Variants in CFAP100 observed in about 807,000 individuals in gnomAD.
The protein encoded by CFAP100 is cilia- and flagella-associated protein 100.
A neutral mutation model predicts 81.5 loss-of-function variants in CFAP100; 70 were observed. The observed-to-expected ratio is 0.86, with a 90% CI of 0.71 to 1.05. CFAP100 has a LOEUF of 1.05. Among genes scored for constraint, CFAP100 ranks in the 50% least tolerant of loss-of-function variants. The pLI is 0.00. For missense variants in CFAP100, 811 were observed against 776.5 expected, an observed-to-expected ratio of 1.04 and a Z score of -0.53; for synonymous variants, 341 against 314.8, an observed-to-expected ratio of 1.08 and a Z score of -0.88.
intron 2 of CFAP100, among the ~76,000 whole-genome samples, chr3:126,403,796 AT>A (rs2083023387): frequency 6.6e-6 from 1 of 152,270 alleles, no homozygotes; most frequent in Non-Finnish European, 1.5e-5. Flanking sequence ...AAGTTAAAAA[AT>A]TAAATCATGT....
At chr3:126,405,450 G>A (rs1455617312) in intron 2 of CFAP100, among the ~76,000 whole-genome samples, 3 of 152,156 alleles carry the variant, frequency 2.0e-5, no homozygotes, top group East Asian at 1.9e-4. Context: ...ATCACCTGAG[G>A]TCAGGAGTTC....
At chr3:126,410,243 A>G (rs983057568) in intron 3 of CFAP100, among the ~76,000 whole-genome samples, 1 of 152,162 alleles carries the variant, frequency 6.6e-6, no homozygotes, top group African/African-American at 2.4e-5. Flanking sequence ...AGTTTCATGC[A>G]GCTCAATCGT....
intron 11 of CFAP100, among the ~76,000 whole-genome samples, chr3:126,422,021 G>T (rs538887358): frequency 4.6e-5 from 7 of 152,358 alleles, no homozygotes; most frequent in Admixed American, 1.3e-4. Context: ...CAGAGTCGGG[G>T]ATCACACTGT....
rs1463918850 is a variant in CFAP100 at position 126,433,838 on chromosome 3, A to C, written c.1423-338A>C. The stretch of plus-strand genomic sequence containing the variant: ...TGGAGGGGCTGTTATCTGTTTTCTA[A>C]GTGTCAGAACAGTCTCAGAGAAGAC... On this transcript the variant is annotated intron_variant, in intron 14 of 16. Transcript: ENST00000352312. 4 of 251,720 alleles carry C rather than the reference A, an allele frequency of 1.6e-5. No individual in the cohort carries two copies. In the East Asian group the frequency reaches 3.7e-4, roughly 23 times the overall value. The allele number at this position is 251,720 out of a possible 1,614,324, so 15.6% of individuals were successfully genotyped here.
chr3:126,395,764 A>G (rs117921573), intron 1 of CFAP100, among the ~76,000 whole-genome samples, 178 bp from the exon 2 acceptor site: 1 of 152,352 alleles, frequency 6.6e-6, no homozygotes, highest in East Asian at 1.9e-4. Flanking sequence ...CAGAAAAAGT[A>G]GGCAGCTAGA....
chr3:126,402,936 C>G (rs1359634917), intron 2 of CFAP100, among the ~76,000 whole-genome samples: 1 of 151,862 alleles, frequency 6.6e-6, no homozygotes, highest in Non-Finnish European at 1.5e-5. Context: ...CAGTGCTCCT[C>G]AGGAGACAGA....
At chr3:126,417,480 G>A (rs1170180864) in intron 5 of CFAP100, among the ~76,000 whole-genome samples, 1 of 152,228 alleles carries the variant, frequency 6.6e-6, no homozygotes, top group Non-Finnish European at 1.5e-5. Flanking sequence ...CCTCCACCTG[G>A]GGAGTGGCGC....
intron 11 of CFAP100, among the ~76,000 whole-genome samples, chr3:126,422,828 T>G (rs1576640451): frequency 6.7e-6 from 1 of 150,340 alleles, no homozygotes. Context: ...TAAACAAGGG[T>G]GAGGGAGGAG....
chr3:126,411,545 G>C (rs1189991535), intron 3 of CFAP100, among the ~76,000 whole-genome samples: 1 of 151,170 alleles, frequency 6.6e-6, no homozygotes, highest in Non-Finnish European at 1.5e-5. Context: ...CTGCTTTTGG[G>C]CTTTTTTTTT....
chr3:126,422,028 C>T (rs2107610455), intron 11 of CFAP100, among the ~76,000 whole-genome samples: 1 of 152,364 alleles, frequency 6.6e-6, no homozygotes, highest in South Asian at 2.1e-4. Context: ...GGGGATCACA[C>T]TGTCCTGGGT....
In CFAP100 at chr3:126,414,872, C is replaced by T. The variant is rs993833414; in HGVS notation, c.225+693C>T. On this transcript the variant is annotated intron_variant, in intron 4 of 16. Coordinates refer to ENST00000352312, the MANE Select transcript of CFAP100 (RefSeq NM_182628.3). ...GGCTGCCCCACAGACTCCATCACCT[C>T]GCCCTGACTCAGGGCTCAGCGTCTC... Among the ~76,000 whole-genome samples the T allele has an allele frequency of 5.3e-5, 8 of 152,334 alleles. No individual in the cohort carries two copies. In the East Asian group the frequency reaches 7.7e-4, roughly 15 times the overall value.
chr3:126,396,111 C>T lies in CFAP100; in HGVS notation c.49+62C>T, dbSNP rs889850800. ...AGGGGCAGCTTCGGAGCCTGTCCAG[C>T]TCCCTCACAGGTTAAGGTAGCTCTA... is the stretch of plus-strand genomic sequence containing the variant. On this transcript the variant is annotated intron_variant, in intron 2 of 16. Transcript: ENST00000352312. The T allele has an allele frequency of 8.6e-6, 11 of 1,286,368 alleles. No homozygotes were observed. The Admixed American group carries it at 1.8e-4, about 22-fold the overall frequency. The allele number at this position is 1,286,368 out of a possible 1,614,324, so 79.7% of individuals were successfully genotyped here. A position where few individuals can be genotyped will look rare whatever the true frequency, so the allele number is the denominator to read the frequency against.
At chr3:126,397,889 A>G (rs534934682) in intron 2 of CFAP100, among the ~76,000 whole-genome samples, 2 of 152,358 alleles carry the variant, frequency 1.3e-5, no homozygotes, top group South Asian at 4.1e-4. Flanking sequence ...CAGAGGGCCC[A>G]GGGCAGGGGC....
At chr3:126,418,989 G>T in intron 7 of CFAP100, 87 bp from the exon 8 acceptor site, 1 of 995,232 alleles carries the variant, frequency 1.0e-6, no homozygotes, top group Non-Finnish European at 1.5e-6. Context: ...CAGCCCTGGG[G>T]CCTGTGGGTG....
intron 5 of CFAP100, among the ~76,000 whole-genome samples, chr3:126,417,805 G>A (rs898335948): frequency 9.9e-5 from 15 of 152,240 alleles, no homozygotes; most frequent in Non-Finnish European, 2.2e-4. Context: ...AAGGGTGTGA[G>A]GGACAGGGCC....
rs376386654 is a variant in CFAP100 at position 126,414,119 on chromosome 3, C to T, written c.165C>T (p.His55=). 18 of 1,614,000 alleles carry T rather than the reference C, an allele frequency of 1.1e-5. No homozygotes were observed. The highest frequency in any genetic ancestry group is 1.4e-5 in the Non-Finnish European group (17 of 1,179,968). Residue 55 remains histidine, a synonymous_variant, in exon 4 of 17, where the codon CAC becomes CAT. Coordinates refer to ENST00000352312, the MANE Select transcript of CFAP100 (RefSeq NM_182628.3). The part of the protein sequence containing the change: ...HGPDPSANPF[H]LSGDVDFFLL... Reference sequence around the variant, plus strand: ...CTGACCCTTCAGCGAACCCTTTCCACTTATCTGGGGATGTGGATTTCTTCT... The same window carrying T: ...CTGACCCTTCAGCGAACCCTTTCCATTTATCTGGGGATGTGGATTTCTTCT...
Position 126,402,949 on chromosome 3 carries a change from C to T in CFAP100, c.50-4223C>T, listed in dbSNP as rs145715119. Among the ~76,000 whole-genome samples the T allele has an allele frequency of 4.4e-3, 669 of 152,024 alleles. 28 individuals are homozygous for T. The highest frequency in any genetic ancestry group is 0.04 in the Admixed American group (610 of 15,272). On this transcript the variant is annotated intron_variant, in intron 2 of 16. Transcript: ENST00000352312. ...TCCAGTGCTCCTCAGGAGACAGAGTCTGTGGGATCTGGTGACTAGGTGTGG... is the reference window on the plus strand; with the variant it reads ...TCCAGTGCTCCTCAGGAGACAGAGTTTGTGGGATCTGGTGACTAGGTGTGG...
chr3:126,397,041 A>AT (rs1262166432), intron 2 of CFAP100, among the ~76,000 whole-genome samples: 3 of 152,204 alleles, frequency 2.0e-5, no homozygotes, highest in East Asian at 3.9e-4. Flanking sequence ...CTCAGTGCAC[A>AT]TACAGGCAAA....
At position 126,419,660 on chromosome 3, in the gene CFAP100, C is replaced by T; in HGVS notation, c.755C>T (p.Thr252Ile). ...AGTGAGATCTCCAGATTTGAAGACA[C>T]TCTGAAGCATTACAAGGTCTATAAG... ...IKSEISRFED[T>I]LKHYKVYKDF... The change falls in exon 9 of 17, where the codon ACT (threonine) becomes ATT (isoleucine). Residue 252 changes from threonine (T) to isoleucine (I), a missense_variant. Transcript: ENST00000352312. 1.2e-6 allele frequency: 2 copies of T among 1,613,922 alleles called. No homozygotes were observed. The highest frequency in any genetic ancestry group is 1.7e-5 in the Admixed American group (1 of 60,024).
Sources: gnomAD v4.1 joint callset for allele counts (sites outside exome capture counted in the v4.1 genomes callset) on GRCh38, gnomAD v4.1.1 for gene constraint, MANE v1.5 for transcripts, NCBI Gene and HGNC (gene_info 2026-07-23, HGNC 2026-07-21) for gene names.